Variants in SMTNL2 observed in about 807,000 individuals in gnomAD.
SMTNL2 encodes the protein smoothelin like 2, also known as smoothelin-like protein 2.
Under a neutral mutation model 44.1 loss-of-function variants are expected in SMTNL2, and 43 were observed. That is an observed-to-expected ratio of 0.98 (90% confidence interval 0.76 to 1.26). The LOEUF (loss-of-function observed/expected upper bound fraction) is 1.26, where lower values mean the gene tolerates loss of function less well. SMTNL2 is among the 50% of genes most tolerant of loss of function. The probability of loss-of-function intolerance (pLI) is 0.00; values close to 1 mark genes in which losing one functional copy is unlikely to be tolerated. For synonymous variants in SMTNL2, 317 were observed against 287.6 expected (o/e 1.10, Z -1.03); for missense variants, 646 against 670.2 (o/e 0.96, Z 0.40).
intron 1 of SMTNL2, among the ~76,000 whole-genome samples, chr17:4,589,386 G>C (rs1051046810): frequency 1.3e-5 from 2 of 152,118 alleles, no homozygotes; most frequent in African/African-American, 4.8e-5. Flanking sequence ...CCTGGTGACT[G>C]TGGGGGCCGG....
chr17:4,584,461 G>GC (rs1909253561), upstream of SMTNL2: 4 of 922,492 alleles, frequency 4.3e-6, no homozygotes, highest in Non-Finnish European at 5.6e-6. Flanking sequence ...CCCCGGCTCC[G>GC]CCCCCGAGGC....
chr17:4,594,503 G>C (rs1470750088), intron 4 of SMTNL2, among the ~76,000 whole-genome samples: 1 of 151,680 alleles, frequency 6.6e-6, no homozygotes, highest in Non-Finnish European at 1.5e-5. Context: ...AAAAAATATT[G>C]GAGGAGGCCT....
Position 4,584,861 on chromosome 17 carries a change from T to C in SMTNL2, c.256T>C (p.Leu86=). The C allele has an allele frequency of 7.6e-7, 1 of 1,317,276 alleles. No individual in the cohort carries two copies. Among genetic ancestry groups the C allele is most frequent in the South Asian group, 2.0e-5 (1 of 50,022 alleles). 81.6% of individuals were successfully genotyped at this position (1,317,276 alleles called of 1,614,324 possible). ...GACGCGCCAGGTGGAGGCGCTGGGC[T>C]TGGCCAGCGGGATGTCCCCGGTGCC... ...RLTRQVEALG[L]ASGMSPVPGT... is the part of the protein sequence containing the mutation. Residue 86 remains leucine, a synonymous_variant, in exon 1 of 8, where the codon TTG becomes CTG. Coordinates refer to ENST00000389313, the MANE Select transcript of SMTNL2 (RefSeq NM_001114974.2).
At chr17:4,594,374 G>A (rs563875239) in intron 4 of SMTNL2, among the ~76,000 whole-genome samples, 7 of 152,060 alleles carry the variant, frequency 4.6e-5, no homozygotes, top group Admixed American at 2.0e-4. Flanking sequence ...GCTTGAACTC[G>A]GGAAGCGGAG....
In SMTNL2 at chr17:4,607,671, C is replaced by A. The variant is rs1018470464; in HGVS notation, c.*184C>A. 6 of 975,700 alleles carry A rather than the reference C, an allele frequency of 6.1e-6. No individual in the cohort carries two copies. The African/African-American group carries it at 8.2e-5, about 13-fold the overall frequency. The allele number at this position is 975,700 out of a possible 1,614,324, so 60.4% of individuals were successfully genotyped here. On this transcript the variant is annotated 3_prime_UTR_variant, in exon 8 of 8. Transcript: ENST00000389313. This position sits in a 1 kb window ranked among gnomAD's most constrained non-coding sequence, Gnocchi z 4.7. ...GTTACTGATTAAAAGTACTGCTGAGCTGTGGTCCGACAGCACTGATCACAG... is the reference window on the plus strand; with the variant it reads ...GTTACTGATTAAAAGTACTGCTGAGATGTGGTCCGACAGCACTGATCACAG...
intron 1 of SMTNL2, among the ~76,000 whole-genome samples, chr17:4,586,027 G>GT: frequency 6.6e-6 from 1 of 152,206 alleles, no homozygotes. Context: ...ATCTCAGCAA[G>GT]GCTTTGTGCT....
rs955903476 is a variant in SMTNL2, at chr17:4,592,308, G to A, written c.400-53G>A. On this transcript the variant is annotated intron_variant, in intron 1 of 7. Coordinates refer to ENST00000389313, the MANE Select transcript of SMTNL2 (RefSeq NM_001114974.2). The surrounding 1 kb of genome is among the most constrained non-coding windows in gnomAD (Gnocchi z 4.5). ...ATTTGGGGGTGGGCAGCTTTTGGGGGTGGGCAGCTGGCCCTAGCTGATGGG... is the reference window on the plus strand; with the variant it reads ...ATTTGGGGGTGGGCAGCTTTTGGGGATGGGCAGCTGGCCCTAGCTGATGGG... 4 of 1,568,480 alleles carry A rather than the reference G, an allele frequency of 2.6e-6. No homozygotes were observed. The highest frequency in any genetic ancestry group is 1.7e-5 in the Admixed American group (1 of 59,480).
intron 6 of SMTNL2, 33 bp downstream of exon 6, chr17:4,597,010 G>T: frequency 6.8e-7 from 1 of 1,476,152 alleles, no homozygotes; most frequent in Non-Finnish European, 9.0e-7. Context: ...CTGCTGGGAC[G>T]CCCCAGCTAA....
chr17:4,605,316 T>G (rs958793515), intron 7 of SMTNL2, among the ~76,000 whole-genome samples: 4 of 151,964 alleles, frequency 2.6e-5, no homozygotes, highest in African/African-American at 9.7e-5. Flanking sequence ...CACACCACCA[T>G]GCCTGGCTAA....
chr17:4,607,450 T>C lies in SMTNL2; in HGVS notation c.1349T>C (p.Val450Ala). Residue 450 changes from valine (V) to alanine (A), a missense_variant, in exon 8 of 8, where the codon GTC becomes GCC. Val to Ala is a moderately conservative substitution (Grantham distance 64). Coordinates refer to ENST00000389313, the MANE Select transcript of SMTNL2 (RefSeq NM_001114974.2). The surrounding 1 kb of genome is among the most constrained non-coding windows in gnomAD (Gnocchi z 4.7). ...GACCCCATGTGTGTCTTCACCTACGTCCAGTCGCTGTACAACCACCTGCGT... is the reference window on the plus strand; with the variant it reads ...GACCCCATGTGTGTCTTCACCTACGCCCAGTCGCTGTACAACCACCTGCGT... ...KPDPMCVFTY[V>A]QSLYNHLRRF... 6.2e-7 allele frequency: 1 copy of C among 1,614,150 alleles called. No homozygotes were observed. The highest frequency in any genetic ancestry group is 8.5e-7 in the Non-Finnish European group (1 of 1,180,020).
At chr17:4,599,661 G>A (rs567306181) in intron 7 of SMTNL2, among the ~76,000 whole-genome samples, 67 of 152,150 alleles carry the variant, frequency 4.4e-4, no homozygotes, top group Admixed American at 1.8e-3. Context: ...GGGATGCCCC[G>A]GGCCATGGGG....
Position 4,602,473 on chromosome 17 carries a change from C to T in SMTNL2, c.1260-4888C>T, listed in dbSNP as rs1407782873. Among the ~76,000 whole-genome samples, 3 of 152,156 alleles carry T rather than the reference C, an allele frequency of 2.0e-5. No individual in the cohort carries two copies. In the East Asian group the frequency reaches 5.8e-4, roughly 29 times the overall value. On this transcript the variant is annotated intron_variant, in intron 7 of 7. Coordinates refer to ENST00000389313, the MANE Select transcript of SMTNL2 (RefSeq NM_001114974.2). ...GAGTAGCTGGGATTACAGGCATGCGCCACCATGCCCAGCTAATTTTTGTAT... is the reference window on the plus strand; with the variant it reads ...GAGTAGCTGGGATTACAGGCATGCGTCACCATGCCCAGCTAATTTTTGTAT...
Position 4,584,993 on chromosome 17 carries a change from G to C in SMTNL2, c.388G>C (p.Gly130Arg). ...FASHATFSLSGRGQSLDHDEA... is the reference protein window; with the variant it reads ...FASHATFSLSRRGQSLDHDEA... ...CAGCCACGCCACCTTCTCGCTGTCC[G>C]GCCGCGGCCAGGTGAGCCCGGGGGA... is the stretch of plus-strand genomic sequence containing the variant. The change falls in exon 1 of 8, where the codon GGC (glycine) becomes CGC (arginine). Residue 130 changes from glycine to arginine, a missense_variant. Coordinates refer to ENST00000389313, the MANE Select transcript of SMTNL2 (RefSeq NM_001114974.2). 2 of 1,363,366 alleles carry C rather than the reference G, an allele frequency of 1.5e-6. No homozygotes were observed. Among genetic ancestry groups the C allele is most frequent in the Non-Finnish European group, 1.9e-6 (2 of 1,060,680 alleles). 84.5% of individuals were successfully genotyped at this position (1,363,366 alleles called of 1,614,324 possible).
Position 4,584,642 on chromosome 17 carries a change from G to T in SMTNL2, c.37G>T (p.Val13Leu). 7.9e-7 allele frequency: 1 copy of T among 1,265,652 alleles called. No homozygotes were observed. The allele number at this position is 1,265,652 out of a possible 1,614,324, so 78.4% of individuals were successfully genotyped here. The change falls in exon 1 of 8, where the codon GTG becomes TTG. Residue 13 changes from valine (V) to leucine (L), a missense_variant. By Grantham distance (32) the Val-to-Leu change is conservative. Transcript: ENST00000389313. ...PAPDAQEART[V>L]REALGRYEAA... Reference sequence around the variant, plus strand: ...CCCCGACGCCCAGGAGGCGCGCACTGTGCGCGAGGCGCTGGGCCGCTACGA... The same window carrying T: ...CCCCGACGCCCAGGAGGCGCGCACTTTGCGCGAGGCGCTGGGCCGCTACGA...
intron 1 of SMTNL2, among the ~76,000 whole-genome samples, chr17:4,589,240 T>C (rs2326066): frequency 0.8 from 121,309 of 151,396 alleles, 48,551 homozygotes; most frequent in Admixed American, 0.82. Context: ...GCGGAGGGCC[T>C]CCCACCCACC....
At position 4,595,469 on chromosome 17, in the gene SMTNL2, G is replaced by C; in HGVS notation, c.989+142G>C. ...GCCCAGGACAAGATCTCTTGGGCAA[G>C]GCACAAAGTTAGGGCTGGGCCACAG... On this transcript the variant is annotated intron_variant, in intron 5 of 7. Transcript: ENST00000389313. This position sits in a 1 kb window ranked among gnomAD's most constrained non-coding sequence, Gnocchi z 5.1. 1 of 1,260,808 alleles carries C rather than the reference G, an allele frequency of 7.9e-7. No individual in the cohort carries two copies. The highest frequency in any genetic ancestry group is 1.1e-6 in the Non-Finnish European group (1 of 924,402). 78.1% of individuals were successfully genotyped at this position (1,260,808 alleles called of 1,614,324 possible).
At position 4,592,418 on chromosome 17, in the gene SMTNL2, A is replaced by G; in HGVS notation, c.457A>G (p.Ile153Val). ...SEMRKTSNSC[I>V]MENGHQPGAG... ...GATGAGAAAGACCTCAAACTCCTGCATCATGGAAAATGGGCACCAGCCGGG... is the reference window on the plus strand; with the variant it reads ...GATGAGAAAGACCTCAAACTCCTGCGTCATGGAAAATGGGCACCAGCCGGG... Residue 153 changes from isoleucine to valine, a missense_variant, in exon 2 of 8, where the codon ATC (isoleucine) becomes GTC (valine). By Grantham distance (29) the Ile-to-Val change is conservative. Transcript: ENST00000389313. This position sits in a 1 kb window ranked among gnomAD's most constrained non-coding sequence, Gnocchi z 4.5. 1.2e-6 allele frequency: 2 copies of G among 1,613,450 alleles called. No individual in the cohort carries two copies. The highest frequency in any genetic ancestry group is 8.5e-7 in the Non-Finnish European group (1 of 1,179,888).
chr17:4,592,495 A>T lies in SMTNL2; in HGVS notation c.487+47A>T. 6.4e-7 allele frequency: 1 copy of T among 1,562,418 alleles called. No homozygotes were observed. Among genetic ancestry groups the T allele is most frequent in the East Asian group, 2.2e-5 (1 of 44,474 alleles). ...GGGTGGCTGGGTAGGTTTGGGGGTT[A>T]AGTAAGGCCTTGGTCAGGTATCTGT... On this transcript the variant is annotated intron_variant, in intron 2 of 7. Coordinates refer to ENST00000389313, the MANE Select transcript of SMTNL2 (RefSeq NM_001114974.2). This position sits in a 1 kb window ranked among gnomAD's most constrained non-coding sequence, Gnocchi z 4.5.
Position 4,595,318 on chromosome 17 carries a change from C to A in SMTNL2, c.980C>A (p.Ala327Glu), listed in dbSNP as rs780494924. ...TTTGAGAAGTGGGAGCAGGAAACGG[C>A]GGCCGGCAAGTACGGATGCCCACTC... ...ALFEKWEQET[A>E]AGKGKGEARA... The change falls in exon 5 of 8, where the codon GCG becomes GAG. Residue 327 changes from alanine to glutamate, a missense_variant. Physicochemically the swap from Ala to Glu is moderately radical, Grantham distance 107 (BLOSUM62 -1). Coordinates refer to ENST00000389313, the MANE Select transcript of SMTNL2 (RefSeq NM_001114974.2). This position sits in a 1 kb window ranked among gnomAD's most constrained non-coding sequence, Gnocchi z 5.1. 2.5e-6 allele frequency: 4 copies of A among 1,612,018 alleles called. No homozygotes were observed. Among genetic ancestry groups the A allele is most frequent in the Non-Finnish European group, 3.4e-6 (4 of 1,179,076 alleles).
Sources: allele counts gnomAD v4.1 joint callset (sites outside exome capture counted in the v4.1 genomes callset), GRCh38; gene constraint gnomAD v4.1.1; non-coding constraint Gnocchi (gnomAD v3.1); transcripts MANE v1.5; gene names NCBI Gene and HGNC (gene_info 2026-07-23, HGNC 2026-07-21).